Variants in ULK4 observed in about 807,000 individuals in gnomAD.
The protein encoded by ULK4 is inactive serine/threonine-protein kinase ULK4.
ULK4 carries 133 observed loss-of-function variants against 160.6 expected under a neutral mutation model. The ratio of observed to expected loss-of-function variants is 0.83; its 90% confidence interval spans 0.72 to 0.96. ULK4 has a LOEUF of 0.96. Ranked by LOEUF, ULK4 falls within the 40% of genes least tolerant of loss-of-function variation. The pLI is 0.00. For synonymous variants in ULK4, 534 were observed against 539.8 expected (o/e 0.99, Z 0.15); for missense variants, 1,580 against 1,499.5 (o/e 1.05, Z -0.89).
intron 34 of ULK4, among the ~76,000 whole-genome samples, chr3:41,399,765 C>T (rs1399955023): frequency 6.6e-6 from 1 of 152,024 alleles, no homozygotes; most frequent in Non-Finnish European, 1.5e-5. Context: ...ACTGTCACAC[C>T]TTGCTAATTT....
intron 17 of ULK4, among the ~76,000 whole-genome samples, chr3:41,856,527 ATATATG>A (rs1367081574): frequency 1.6e-5 from 2 of 125,266 alleles, no homozygotes; most frequent in Non-Finnish European, 3.2e-5. Flanking sequence ...ATATATATAT[ATATATG>A]TATGTATATA....
chr3:41,495,171 C>T (rs1206999764), intron 32 of ULK4, among the ~76,000 whole-genome samples: 2 of 152,192 alleles, frequency 1.3e-5, no homozygotes, highest in African/African-American at 2.4e-5. Flanking sequence ...CACTACCTGA[C>T]TTCAAACTAT....
chr3:41,593,974 G>A (rs1302301474), intron 31 of ULK4, among the ~76,000 whole-genome samples: 2 of 152,084 alleles, frequency 1.3e-5, no homozygotes, highest in Non-Finnish European at 2.9e-5. Flanking sequence ...GAGCCTGGGA[G>A]GCGGAGGTTG....
intron 35 of ULK4, among the ~76,000 whole-genome samples, chr3:41,313,422 C>T (rs2080087945): frequency 6.6e-6 from 1 of 152,102 alleles, no homozygotes; most frequent in Non-Finnish European, 1.5e-5. Context: ...GGTGCTTATT[C>T]TTCTGTTTTT....
In ULK4 at chr3:41,534,484, A is replaced by G. The variant is rs188389552; in HGVS notation, c.3226+31541T>C. Among the ~76,000 whole-genome samples, 106 of 149,444 alleles carry G rather than the reference A, an allele frequency of 7.1e-4. 2 individuals are homozygous for G. Among genetic ancestry groups the G allele is most frequent in the African/African-American group, 2.6e-3 (105 of 40,210 alleles). On this transcript the variant is annotated intron_variant, in intron 32 of 36. Transcript: ENST00000301831. ...GTCTTACTTTTTTTTATAATTCTCT[A>G]AATGTTTCATTTAAAAGAGAAAATG...
At chr3:41,608,253 T>C (rs1315358647) in intron 31 of ULK4, among the ~76,000 whole-genome samples, 2 of 152,220 alleles carry the variant, frequency 1.3e-5, no homozygotes, top group African/African-American at 2.4e-5. Context: ...GAAAATCCTT[T>C]GCAGCTCTGG....
At chr3:41,373,270 C>T (rs77087319) in intron 35 of ULK4, among the ~76,000 whole-genome samples, 5,083 of 152,184 alleles carry the variant, frequency 0.033, 240 homozygotes, top group East Asian at 0.19. Flanking sequence ...TTGAATTCAG[C>T]TAGGGACCAA....
intron 34 of ULK4, among the ~76,000 whole-genome samples, chr3:41,406,111 T>C (rs531941031): frequency 6.6e-6 from 1 of 152,344 alleles, no homozygotes; most frequent in South Asian, 2.1e-4. Flanking sequence ...GTCCTACATT[T>C]AAATCTTTAA....
At chr3:41,871,402 AAAATATGGTAAGCAAATGTTTAGTTTAC>A (rs1239664514) in intron 17 of ULK4, among the ~76,000 whole-genome samples, 1 of 152,238 alleles carries the variant, frequency 6.6e-6, no homozygotes, top group Non-Finnish European at 1.5e-5. Context: ...ATATGGAGTT[AAAATATGGTAAGCAAATGTTTAGTTTAC>A]CAAATGGCCA....
chr3:41,539,028 T>C (rs1018500103), intron 32 of ULK4, among the ~76,000 whole-genome samples: 10 of 109,784 alleles, frequency 9.1e-5, no homozygotes, highest in Non-Finnish European at 1.7e-4. Flanking sequence ...TAACAATCTT[T>C]TTCTTAGTTT....
intron 31 of ULK4, among the ~76,000 whole-genome samples, chr3:41,590,423 C>G (rs2031201599): frequency 7.5e-6 from 1 of 133,136 alleles, no homozygotes; most frequent in Non-Finnish European, 1.5e-5. Flanking sequence ...CAAGAGTAGC[C>G]TGACCAATAT....
intron 35 of ULK4, among the ~76,000 whole-genome samples, chr3:41,379,637 C>T (rs2081602446): frequency 6.6e-6 from 1 of 152,122 alleles, no homozygotes. Context: ...TAACCCTTGC[C>T]CAGCCATCTC....
At chr3:41,757,913 C>T (rs992781078) in intron 21 of ULK4, among the ~76,000 whole-genome samples, 40 of 152,218 alleles carry the variant, frequency 2.6e-4, no homozygotes, top group African/African-American at 9.6e-4. Flanking sequence ...AGGCGTGAGC[C>T]ACCATGCCTG....
At chr3:41,768,824 CAG>C (rs879485648) in intron 21 of ULK4, among the ~76,000 whole-genome samples, 67 of 152,254 alleles carry the variant, frequency 4.4e-4, no homozygotes, top group Middle Eastern at 3.4e-3. Flanking sequence ...AAGTTTCACA[CAG>C]CAATAGACAT....
At chr3:41,294,426 T>TATAGA (rs2079630155) in intron 35 of ULK4, among the ~76,000 whole-genome samples, 3 of 152,198 alleles carry the variant, frequency 2.0e-5, no homozygotes, top group Admixed American at 2.0e-4. Flanking sequence ...GTGGTATTGT[T>TATAGA]ATAGAAACAA....
intron 29 of ULK4, among the ~76,000 whole-genome samples, chr3:41,678,795 T>A (rs1287278350): frequency 2.0e-5 from 3 of 152,188 alleles, no homozygotes; most frequent in African/African-American, 7.2e-5. Context: ...GCTAAAACTT[T>A]AACAAAATAA....
intron 35 of ULK4, among the ~76,000 whole-genome samples, chr3:41,283,687 T>A (rs952025830): frequency 5.9e-5 from 9 of 151,982 alleles, no homozygotes; most frequent in African/African-American, 2.2e-4. Context: ...GAGAAATACC[T>A]AATTTAAATG....
intron 32 of ULK4, among the ~76,000 whole-genome samples, chr3:41,472,544 G>A (rs2084019535): frequency 6.6e-6 from 1 of 151,432 alleles, no homozygotes; most frequent in African/African-American, 2.4e-5. Context: ...ACTCCAGCCT[G>A]GGTGACAGAG....
intron 30 of ULK4, among the ~76,000 whole-genome samples, chr3:41,649,584 C>T (rs1289269019): frequency 7.9e-5 from 12 of 152,224 alleles, no homozygotes; most frequent in Admixed American, 2.0e-4. Flanking sequence ...TGGGGGTGTC[C>T]GTGCTCAGGG....
Sources: gnomAD v4.1 joint callset for allele counts (sites outside exome capture counted in the v4.1 genomes callset) on GRCh38, gnomAD v4.1.1 for gene constraint, MANE v1.5 for transcripts, NCBI Gene and HGNC (gene_info 2026-07-23, HGNC 2026-07-21) for gene names.